The following TSHZ2 variants were observed in gnomAD, a reference collection of about 807,000 sequenced individuals.
TSHZ2 encodes the protein teashirt zinc finger homeobox 2.
In TSHZ2, 21 loss-of-function variants were observed where a neutral mutation model predicts 74.4. The observed-to-expected ratio is 0.28, with a 90% CI of 0.20 to 0.41. TSHZ2 has a LOEUF of 0.41. Ranked by LOEUF, TSHZ2 falls within the 10% of genes least tolerant of loss-of-function variation. The pLI, the probability that TSHZ2 is intolerant of heterozygous loss-of-function variation, is 1.00. For synonymous variants in TSHZ2, 540 were observed against 515.3 expected (o/e 1.05, Z -0.65); for missense variants, 1,244 against 1,293.5 (o/e 0.96, Z 0.59).
chr20:53,229,770 G>T (rs1989775906), intron 1 of TSHZ2, among the ~76,000 whole-genome samples: 1 of 151,242 alleles, frequency 6.6e-6, no homozygotes, highest in African/African-American at 2.4e-5. Flanking sequence ...GAGGGGGAAA[G>T]GAGGGAGAGA....
chr20:53,225,783 G>A (rs1282120638), intron 1 of TSHZ2, among the ~76,000 whole-genome samples: 2 of 152,116 alleles, frequency 1.3e-5, no homozygotes, highest in Non-Finnish European at 1.5e-5. Context: ...GATGTCCGGA[G>A]CTCTGCTAAA....
intron 2 of TSHZ2, among the ~76,000 whole-genome samples, chr20:53,442,726 GC>G (rs988211526): frequency 6.6e-6 from 1 of 152,134 alleles, no homozygotes; most frequent in Non-Finnish European, 1.5e-5. Context: ...GATATTGCCG[GC>G]ATTTAGGCCT....
At chr20:52,988,687 T>C (rs1981863444) in intron 1 of TSHZ2, among the ~76,000 whole-genome samples, 1 of 152,048 alleles carries the variant, frequency 6.6e-6, no homozygotes, top group African/African-American at 2.4e-5. Flanking sequence ...ACTTTTGAAA[T>C]CTCTTATGCT....
chr20:53,282,671 C>T (rs1462086131), intron 2 of TSHZ2, among the ~76,000 whole-genome samples: 1 of 152,202 alleles, frequency 6.6e-6, no homozygotes, highest in Non-Finnish European at 1.5e-5. Flanking sequence ...GGATTTAAGG[C>T]CGGTTCTGAC....
intron 1 of TSHZ2, among the ~76,000 whole-genome samples, chr20:53,051,240 G>A (rs1600666440): frequency 6.6e-6 from 1 of 152,164 alleles, no homozygotes. Flanking sequence ...TTGGGAGGCT[G>A]AGGCAGAAGA....
At chr20:53,175,568 G>C (rs1988316940) in intron 1 of TSHZ2, among the ~76,000 whole-genome samples, 1 of 152,176 alleles carries the variant, frequency 6.6e-6, no homozygotes, top group Admixed American at 6.5e-5. Flanking sequence ...TGCTTTCAGA[G>C]CATGCACACA....
chr20:53,253,630 C>T lies in TSHZ2; in HGVS notation c.172C>T (p.Pro58Ser), dbSNP rs146937231. 3.8e-5 allele frequency: 61 copies of T among 1,613,850 alleles called. No homozygotes were observed. Among genetic ancestry groups the T allele is most frequent in the Non-Finnish European group, 5.2e-5 (61 of 1,179,996 alleles). The change falls in exon 2 of 3, where the codon CCA (proline) becomes TCA (serine). Residue 58 changes from proline to serine, a missense_variant. Pro to Ser is a moderately conservative substitution (Grantham distance 74, BLOSUM62 -1). Coordinates refer to ENST00000371497, the MANE Select transcript of TSHZ2 (RefSeq NM_173485.6). ...TGTDEELETG[P>S]EQKGCFSYQN... Reference sequence around the variant, plus strand: ...GACGGACGAGGAGCTAGAAACGGGCCCAGAGCAAAAAGGCTGCTTCAGCTA... The same window carrying T: ...GACGGACGAGGAGCTAGAAACGGGCTCAGAGCAAAAAGGCTGCTTCAGCTA...
intron 1 of TSHZ2, among the ~76,000 whole-genome samples, chr20:53,033,676 T>G (rs867663954): frequency 3.7e-5 from 5 of 134,922 alleles, no homozygotes; most frequent in African/African-American, 1.5e-4. Context: ...TTTTTTTTTT[T>G]GGAGACAGGG....
intron 1 of TSHZ2, among the ~76,000 whole-genome samples, chr20:53,143,747 T>C (rs369015648): frequency 6.6e-6 from 1 of 152,024 alleles, no homozygotes; most frequent in Non-Finnish European, 1.5e-5. Context: ...AATCTTGACT[T>C]AGAGTTGCCT....
At chr20:53,293,984 C>T (rs1195757774) in intron 2 of TSHZ2, among the ~76,000 whole-genome samples, 1 of 152,160 alleles carries the variant, frequency 6.6e-6, no homozygotes, top group Non-Finnish European at 1.5e-5. Context: ...TGCCACTGCA[C>T]TCCAGCCTGG....
chr20:53,058,334 G>A (rs1195714041), intron 1 of TSHZ2, among the ~76,000 whole-genome samples: 2 of 152,218 alleles, frequency 1.3e-5, no homozygotes, highest in Non-Finnish European at 1.5e-5. Context: ...AATTCTGCCT[G>A]TCAAAACACA....
intron 1 of TSHZ2, among the ~76,000 whole-genome samples, chr20:53,038,793 A>G (rs1484487507): frequency 6.6e-6 from 1 of 151,820 alleles, no homozygotes; most frequent in Non-Finnish European, 1.5e-5. Context: ...TCATGCAGAC[A>G]TATGTATTTG....
intron 2 of TSHZ2, among the ~76,000 whole-genome samples, chr20:53,266,767 C>G (rs1026903940): frequency 1.4e-5 from 2 of 141,394 alleles, no homozygotes; most frequent in Non-Finnish European, 3.0e-5. Context: ...GGAGGCCGAT[C>G]GACGATTTTT....
At chr20:53,479,121 C>T (rs1175416020) in intron 2 of TSHZ2, among the ~76,000 whole-genome samples, 4 of 150,588 alleles carry the variant, frequency 2.7e-5, no homozygotes, top group African/African-American at 4.9e-5. Flanking sequence ...GCCAAGATCG[C>T]GCCACTGCAC....
At chr20:53,050,154 C>CATAT (rs1227301425) in intron 1 of TSHZ2, among the ~76,000 whole-genome samples, 2 of 86,858 alleles carry the variant, frequency 2.3e-5, no homozygotes, top group Admixed American at 1.2e-4. Flanking sequence ...TATATATATA[C>CATAT]ACATATATAT....
chr20:53,041,139 G>A (rs970609749), intron 1 of TSHZ2, among the ~76,000 whole-genome samples: 3 of 152,124 alleles, frequency 2.0e-5, no homozygotes, highest in Non-Finnish European at 2.9e-5. Context: ...TCTAAGTTTC[G>A]AGTGATTGGA....
At chr20:53,439,176 A>C (rs1381828891) in intron 2 of TSHZ2, among the ~76,000 whole-genome samples, 1 of 152,124 alleles carries the variant, frequency 6.6e-6, no homozygotes, top group East Asian at 1.9e-4. Flanking sequence ...TTCCTCTGAC[A>C]CTCACAGTTA....
chr20:53,291,472 CA>C (rs11478745), intron 2 of TSHZ2, among the ~76,000 whole-genome samples: 47,557 of 101,614 alleles, frequency 0.47, 8,148 homozygotes, highest in Admixed American at 0.5. Context: ...GACTCTGTCT[CA>C]AAAAAAAAAA....
At chr20:53,164,423 C>A in intron 1 of TSHZ2, among the ~76,000 whole-genome samples, 1 of 118,312 alleles carries the variant, frequency 8.5e-6, no homozygotes, top group African/African-American at 4.2e-5. Context: ...GGTCACCTTT[C>A]TTAAAAAAAA....
Sources: gnomAD v4.1 joint callset for allele counts (sites outside exome capture counted in the v4.1 genomes callset) on GRCh38, gnomAD v4.1.1 for gene constraint, MANE v1.5 for transcripts, NCBI Gene and HGNC (gene_info 2026-07-23, HGNC 2026-07-21) for gene names.